Variants in ARHGAP32 observed in about 807,000 individuals in gnomAD.
The protein encoded by ARHGAP32 is rho GTPase-activating protein 32.
Under a neutral mutation model 186.5 loss-of-function variants are expected in ARHGAP32, and 51 were observed. That is an observed-to-expected ratio of 0.27 (90% confidence interval 0.22 to 0.35). ARHGAP32 has a LOEUF of 0.35. ARHGAP32 is among the 10% of genes least tolerant of loss of function. The pLI, the probability that ARHGAP32 is intolerant of heterozygous loss-of-function variation, is 1.00. For missense variants in ARHGAP32, 2,186 were observed against 2,623.5 expected, an observed-to-expected ratio of 0.83 and a Z score of 3.64; for synonymous variants, 950 against 964.3, an observed-to-expected ratio of 0.99 and a Z score of 0.27.
intron 1 of ARHGAP32, among the ~76,000 whole-genome samples, chr11:129,188,637 G>A (rs748124786): frequency 2.1e-4 from 32 of 152,186 alleles, no homozygotes; most frequent in African/African-American, 7.2e-4. Context: ...ACCAACCAAC[G>A]AGTCAAGTGC....
chr11:129,146,961 A>G (rs971626620), intron 2 of ARHGAP32, among the ~76,000 whole-genome samples: 1 of 152,066 alleles, frequency 6.6e-6, no homozygotes, highest in African/African-American at 2.4e-5. Context: ...CACTTAGATT[A>G]TTATTGAGAA....
intron 11 of ARHGAP32, among the ~76,000 whole-genome samples, chr11:129,037,395 GAGGTGGAAAGATGCCTTGAGCC>G (rs1939391126): frequency 6.6e-6 from 1 of 151,444 alleles, no homozygotes; most frequent in African/African-American, 2.5e-5. Flanking sequence ...TCAGGAGGCT[GAGGTGGAAAGATGCCTTGAGCC>G]CAGGAGTTTG....
chr11:128,996,201 G>A (rs1055304565), intron 12 of ARHGAP32, among the ~76,000 whole-genome samples: 11 of 152,098 alleles, frequency 7.2e-5, no homozygotes, highest in Admixed American at 1.3e-4. Flanking sequence ...TTACAAATAA[G>A]GATAAACATT....
intron 1 of ARHGAP32, among the ~76,000 whole-genome samples, chr11:129,172,028 G>C (rs1204958598): frequency 1.3e-5 from 2 of 152,168 alleles, no homozygotes; most frequent in East Asian, 3.8e-4. Context: ...TTTGTATCCT[G>C]AGACTGCTGA....
chr11:129,240,364 C>CTT (rs1462531055), intron 1 of ARHGAP32, among the ~76,000 whole-genome samples: 1 of 152,086 alleles, frequency 6.6e-6, no homozygotes, highest in Non-Finnish European at 1.5e-5. Context: ...TGCTGTTCCA[C>CTT]AAACACACTC....
chr11:129,101,678 T>G (rs1327929501), intron 5 of ARHGAP32, among the ~76,000 whole-genome samples: 1 of 151,874 alleles, frequency 6.6e-6, no homozygotes, highest in Admixed American at 6.6e-5. Context: ...AATGAACAAA[T>G]AAAACCTCCA....
chr11:129,209,492 A>G (rs577151322), intron 1 of ARHGAP32, among the ~76,000 whole-genome samples: 1 of 152,242 alleles, frequency 6.6e-6, no homozygotes, highest in African/African-American at 2.4e-5. Flanking sequence ...AATAGACAGC[A>G]CTAAGGATTT....
chr11:129,118,205 C>T (rs1315056151), intron 5 of ARHGAP32, among the ~76,000 whole-genome samples: 1 of 151,748 alleles, frequency 6.6e-6, no homozygotes, highest in African/African-American at 2.4e-5. Context: ...TTCTCTAAAG[C>T]AGAGATTAAG....
intron 11 of ARHGAP32, among the ~76,000 whole-genome samples, chr11:129,011,293 C>T (rs980388752): frequency 2.0e-5 from 3 of 152,194 alleles, no homozygotes; most frequent in African/African-American, 7.2e-5. Flanking sequence ...AATGTGCCCA[C>T]TGTCACATAA....
At chr11:129,232,473 T>A (rs374088500) in intron 1 of ARHGAP32, among the ~76,000 whole-genome samples, 1 of 152,168 alleles carries the variant, frequency 6.6e-6, no homozygotes, top group East Asian at 1.9e-4. Context: ...GGAAAACAAC[T>A]GGCGTTATTG....
chr11:129,233,845 A>G (rs949109220), intron 1 of ARHGAP32, among the ~76,000 whole-genome samples: 6 of 152,104 alleles, frequency 3.9e-5, no homozygotes, highest in African/African-American at 1.4e-4. Context: ...TATACAGTCT[A>G]ATACTATGCA....
At chr11:129,251,613 A>G (rs185297140) in intron 1 of ARHGAP32, among the ~76,000 whole-genome samples, 4 of 152,284 alleles carry the variant, frequency 2.6e-5, no homozygotes, top group Admixed American at 2.6e-4. Flanking sequence ...GAAATAAAGC[A>G]GAAAATACTG....
intron 1 of ARHGAP32, among the ~76,000 whole-genome samples, chr11:129,245,044 T>C (rs941202023): frequency 1.3e-5 from 2 of 152,002 alleles, no homozygotes; most frequent in Non-Finnish European, 2.9e-5. Flanking sequence ...AGTGTGGCGA[T>C]TCCTCAGGGA....
At chr11:129,179,175 C>CA in intron 1 of ARHGAP32, among the ~76,000 whole-genome samples, 1 of 151,910 alleles carries the variant, frequency 6.6e-6, no homozygotes, top group Admixed American at 6.6e-5. Flanking sequence ...TTTATGCAGC[C>CA]AAAAAACATA....
At chr11:129,176,518 C>T (rs1015466433) in intron 1 of ARHGAP32, among the ~76,000 whole-genome samples, 7 of 143,898 alleles carry the variant, frequency 4.9e-5, no homozygotes, top group African/African-American at 5.2e-5. Flanking sequence ...CATTCCAAAA[C>T]TGACCACATA....
At chr11:129,090,600 G>A (rs1361826475) in intron 6 of ARHGAP32, among the ~76,000 whole-genome samples, 2 of 151,906 alleles carry the variant, frequency 1.3e-5, no homozygotes, top group African/African-American at 4.8e-5. Flanking sequence ...ATTTACAGAA[G>A]GAAAAGATCA....
At chr11:129,029,584 A>G (rs182246388) in intron 11 of ARHGAP32, among the ~76,000 whole-genome samples, 75 of 152,100 alleles carry the variant, frequency 4.9e-4, no homozygotes, top group Non-Finnish European at 9.3e-4. Context: ...CGTGTGGATC[A>G]TGAGGTCAGG....
At chr11:129,160,866 A>C (rs1943514150) in intron 2 of ARHGAP32, among the ~76,000 whole-genome samples, 1 of 152,192 alleles carries the variant, frequency 6.6e-6, no homozygotes. Context: ...CCTAAGCAAA[A>C]AGAACAAAGC....
At chr11:129,028,608 C>T (rs556110575) in intron 11 of ARHGAP32, among the ~76,000 whole-genome samples, 149 of 152,258 alleles carry the variant, frequency 9.8e-4, no homozygotes, top group Non-Finnish European at 1.7e-3. Context: ...AACAGGCATT[C>T]GTTGTGTAAC....
Sources: gnomAD v4.1 joint callset for allele counts (sites outside exome capture counted in the v4.1 genomes callset) on GRCh38, gnomAD v4.1.1 for gene constraint, MANE v1.5 for transcripts, NCBI Gene and HGNC (gene_info 2026-07-23, HGNC 2026-07-21) for gene names.